Variants in DYNC1H1 observed in about 807,000 individuals in gnomAD.
DYNC1H1 encodes the protein dynein cytoplasmic 1 heavy chain 1.
DYNC1H1 carries 51 observed loss-of-function variants against 527.1 expected under a neutral mutation model. The observed-to-expected ratio is 0.10, with a 90% confidence interval of 0.08 to 0.12. The LOEUF (loss-of-function observed/expected upper bound fraction) is 0.12, where lower values mean the gene tolerates loss of function less well. Among genes scored for constraint, DYNC1H1 ranks in the 10% least tolerant of loss-of-function variants. The probability of loss-of-function intolerance (pLI) is 1.00; values close to 1 mark genes in which losing one functional copy is unlikely to be tolerated. For missense variants in DYNC1H1, 2,771 were observed against 5,971.8 expected (o/e 0.46, Z 17.66); for synonymous variants, 2,189 against 2,278.8 (o/e 0.96, Z 1.12).
chr14:102,042,732 T>C lies in DYNC1H1; in HGVS notation c.12497T>C (p.Val4166Ala). 6.2e-7 allele frequency: 1 copy of C among 1,614,112 alleles called. No homozygotes were observed. Among genetic ancestry groups the C allele is most frequent in the Non-Finnish European group, 8.5e-7 (1 of 1,180,016 alleles). The change falls in exon 69 of 78, where the codon GTC becomes GCC. Residue 4166 changes from valine (V) to alanine (A), a missense_variant. By Grantham distance (64) the Val-to-Ala change is moderately conservative. Around this residue, in one of 32 missense-constraint regions of DYNC1H1, gnomAD observed 195 missense variants for 428.6 expected, o/e 0.45. Transcript: ENST00000360184. The surrounding 1 kb of genome is among the most constrained non-coding windows in gnomAD (Gnocchi z 5.7). The stretch of plus-strand genomic sequence containing the variant: ...CTGAGGACGTTCAGCAGCATTCCCG[T>C]CTCACGGATATGCAAGGTAAGTACC... Reference protein sequence around the residue: ...NMLRTFSSIPVSRICKSPNER... With the variant: ...NMLRTFSSIPASRICKSPNER...
chr14:102,003,282 A>ATTT (rs2048152397), intron 23 of DYNC1H1, among the ~76,000 whole-genome samples: 17 of 126,468 alleles, frequency 1.3e-4, no homozygotes, highest in African/African-American at 5.5e-4. Context: ...TTTTTTTTTG[A>ATTT]GATGGAGTCT....
rs781472089 is a variant in DYNC1H1, at chr14:102,020,101, T to G, written c.8507+45T>G. 6.2e-7 allele frequency: 1 copy of G among 1,609,232 alleles called. No homozygotes were observed. Among genetic ancestry groups the G allele is most frequent in the Non-Finnish European group, 8.5e-7 (1 of 1,177,746 alleles). ...CAGTTGGTCCCATTCTCCCCTGCTC[T>G]GAGTTCTTACAGCTGTCGAAGCTGG... On this transcript the variant is annotated intron_variant, in intron 42 of 77. Transcript: ENST00000360184. This position sits in a 1 kb window ranked among gnomAD's most constrained non-coding sequence, Gnocchi z 4.3.
At position 101,979,830 on chromosome 14, in the gene DYNC1H1, T is replaced by C; in HGVS notation, c.630T>C (p.His210=). 1.2e-6 allele frequency: 2 copies of C among 1,614,178 alleles called. No individual in the cohort carries two copies. The highest frequency in any genetic ancestry group is 2.2e-5 in the South Asian group (2 of 91,076). ...TTCCGGAGATCAGCCTGCCGATTCA[T>C]CCAATGATCACAAATGTTGCAAAAC... is the stretch of plus-strand genomic sequence containing the variant. ...IEIPEISLPI[H]PMITNVAKQC... The change falls in exon 4 of 78, where the codon CAT becomes CAC. Residue 210 remains histidine (H), a synonymous_variant. Transcript: ENST00000360184. This position sits in a 1 kb window ranked among gnomAD's most constrained non-coding sequence, Gnocchi z 4.6.
At position 102,048,126 on chromosome 14, in the gene DYNC1H1, G is replaced by A. The variant is rs768631677; in HGVS notation, c.13218+98G>A. ...CATGGACCATTGGTTCCACTGTGCC[G>A]GACGGAACGTACTCACACCGGTGTC... On this transcript the variant is annotated intron_variant, in intron 73 of 77. Coordinates refer to ENST00000360184, the MANE Select transcript of DYNC1H1 (RefSeq NM_001376.5). 5.8e-4 allele frequency: 833 copies of A among 1,441,284 alleles called. 2 individuals are homozygous for A. Among genetic ancestry groups the A allele is most frequent in the Non-Finnish European group, 7.4e-4 (783 of 1,062,548 alleles). The allele number at this position is 1,441,284 out of a possible 1,614,324, so 89.3% of individuals were successfully genotyped here.
Position 102,005,300 on chromosome 14 carries a change from A to T in DYNC1H1, c.5433+64A>T. The T allele has an allele frequency of 6.3e-7, 1 of 1,598,300 alleles. No homozygotes were observed. The highest frequency in any genetic ancestry group is 8.6e-7 in the Non-Finnish European group (1 of 1,167,264). On this transcript the variant is annotated intron_variant, in intron 26 of 77. Coordinates refer to ENST00000360184, the MANE Select transcript of DYNC1H1 (RefSeq NM_001376.5). The surrounding 1 kb of genome is among the most constrained non-coding windows in gnomAD (Gnocchi z 4.0). ...TCTTACACCCTCAACCACACAGTTA[A>T]ATGGAAATCATGCTTGAAAAAGGTT...
chr14:101,983,306 TAAGAC>T lies in DYNC1H1; in HGVS notation c.1233+19_1233+23del, dbSNP rs777960155. ...ATTTGAAAAAGTAAGTTTGAATATATAAGACAACCAACCTCAAGACATTGAGATGA... is the reference window on the plus strand; with the variant it reads ...ATTTGAAAAAGTAAGTTTGAATATATAACCAACCTCAAGACATTGAGATGA... On this transcript the variant is annotated intron_variant, in intron 6 of 77. Coordinates refer to ENST00000360184, the MANE Select transcript of DYNC1H1 (RefSeq NM_001376.5). The surrounding 1 kb of genome is among the most constrained non-coding windows in gnomAD (Gnocchi z 5.3). 6.2e-7 allele frequency: 1 copy of T among 1,614,112 alleles called. No homozygotes were observed. The highest frequency in any genetic ancestry group is 1.3e-5 in the African/African-American group (1 of 74,942).
Position 101,986,775 on chromosome 14 carries a change from T to C in DYNC1H1, c.2538+12T>C, listed in dbSNP as rs1370884169. 1 of 1,613,906 alleles carries C rather than the reference T, an allele frequency of 6.2e-7. No homozygotes were observed. The highest frequency in any genetic ancestry group is 8.5e-7 in the Non-Finnish European group (1 of 1,179,914). ...ACTTCCAAGAAAAGGTATGCTCTCA[T>C]GTAATCCTCAGGTGTCCTGGTAACG... is the stretch of plus-strand genomic sequence containing the variant. On this transcript the variant is annotated intron_variant, in intron 8 of 77. Coordinates refer to ENST00000360184, the MANE Select transcript of DYNC1H1 (RefSeq NM_001376.5). This position sits in a 1 kb window ranked among gnomAD's most constrained non-coding sequence, Gnocchi z 8.7.
In DYNC1H1 at chr14:102,032,408, C is replaced by T. The variant is rs2048519227; in HGVS notation, c.10020C>T (p.Ser3340=). 7 of 1,614,116 alleles carry T rather than the reference C, an allele frequency of 4.3e-6. No homozygotes were observed. The highest frequency in any genetic ancestry group is 1.1e-5 in the South Asian group (1 of 91,096). Residue 3340 remains serine (S), a synonymous_variant, in exon 52 of 78, where the codon TCC becomes TCT. Transcript: ENST00000360184. ...CCACAGACTGGAAGCAGATCCGCTCCATCATCATGCGGGAGAACTTCATCC... is the reference window on the plus strand; with the variant it reads ...CCACAGACTGGAAGCAGATCCGCTCTATCATCATGCGGGAGAACTTCATCC... The part of the protein sequence containing the change: ...ESTTDWKQIR[S]IIMRENFIPT...
chr14:102,056,414 C>G lies in DYNC1H1; in HGVS notation c.*5851C>G, dbSNP rs960354171. 1.3e-5 allele frequency: 2 copies of G among 152,180 alleles called. No homozygotes were observed. The highest frequency in any genetic ancestry group is 4.8e-5 in the African/African-American group (2 of 41,424). 9.4% of individuals were successfully genotyped at this position (152,180 alleles called of 1,614,324 possible). On this transcript the variant is annotated 3_prime_UTR_variant, in exon 78 of 78. Coordinates refer to ENST00000360184, the MANE Select transcript of DYNC1H1 (RefSeq NM_001376.5). ...TTTAAGATGGTAACTTGCCGATGCT[C>G]CCAGCTGAATAAAGCCCTTCCTTCT...
intron 5 of DYNC1H1, among the ~76,000 whole-genome samples, chr14:101,981,828 T>C (rs990395750): frequency 6.6e-6 from 1 of 152,238 alleles, no homozygotes; most frequent in African/African-American, 2.4e-5. Context: ...TCCAAGCACT[T>C]TCGTGATTCC....
At chr14:101,987,095 G>T (rs1231114769) in intron 8 of DYNC1H1, among the ~76,000 whole-genome samples, 1 of 152,238 alleles carries the variant, frequency 6.6e-6, no homozygotes, top group Non-Finnish European at 1.5e-5. Context: ...CTTACCCAGA[G>T]CCTGCGGCTG....
At position 102,002,768 on chromosome 14, in the gene DYNC1H1, C is replaced by T. The variant is rs1201763159; in HGVS notation, c.4710-24C>T. 3.7e-6 allele frequency: 6 copies of T among 1,614,210 alleles called. No homozygotes were observed. The highest frequency in any genetic ancestry group is 2.2e-5 in the East Asian group (1 of 44,886). On this transcript the variant is annotated intron_variant, in intron 22 of 77. Coordinates refer to ENST00000360184, the MANE Select transcript of DYNC1H1 (RefSeq NM_001376.5). This position sits in a 1 kb window ranked among gnomAD's most constrained non-coding sequence, Gnocchi z 4.4. ...AGTGACTACTCTACACAAAGGCTGA[C>T]GCATGTTTTAATTTCATTTGTAGCA...
chr14:101,986,447 C>G lies in DYNC1H1; in HGVS notation c.2222C>G (p.Pro741Arg). ...NVLKLKVNFL[P>R]EIITLSKEVR... ...CTTAAGCTGAAAGTTAACTTTCTTC[C>G]TGAGATTATCACACTATCCAAAGAA... is the stretch of plus-strand genomic sequence containing the variant. Residue 741 changes from proline to arginine, a missense_variant, in exon 8 of 78, where the codon CCT (proline) becomes CGT (arginine). Around this residue, in one of 32 missense-constraint regions of DYNC1H1, gnomAD observed 264 missense variants for 619.4 expected, o/e 0.43. Coordinates refer to ENST00000360184, the MANE Select transcript of DYNC1H1 (RefSeq NM_001376.5). This position sits in a 1 kb window ranked among gnomAD's most constrained non-coding sequence, Gnocchi z 8.7. The G allele has an allele frequency of 6.2e-7, 1 of 1,614,106 alleles. No individual in the cohort carries two copies.
chr14:101,971,953 A>C (rs949458922), intron 1 of DYNC1H1, among the ~76,000 whole-genome samples: 5 of 152,222 alleles, frequency 3.3e-5, no homozygotes, highest in African/African-American at 1.2e-4. Flanking sequence ...GAAGGAACTC[A>C]TGAAGCAGGC....
In DYNC1H1 at chr14:102,050,673, G is replaced by A. The variant is rs1291676660; in HGVS notation, c.*110G>A. Reference sequence around the variant, plus strand: ...TGTGAAAAGAAAGTGGTTGGTCTGAGGTTGGAGGAAGCTGAATGGAATCTG... The same window carrying A: ...TGTGAAAAGAAAGTGGTTGGTCTGAAGTTGGAGGAAGCTGAATGGAATCTG... On this transcript the variant is annotated 3_prime_UTR_variant, in exon 78 of 78. Transcript: ENST00000360184. The A allele has an allele frequency of 1.9e-6, 3 of 1,557,656 alleles. No individual in the cohort carries two copies. Among genetic ancestry groups the A allele is most frequent in the African/African-American group, 1.4e-5 (1 of 73,580 alleles).
At position 101,983,007 on chromosome 14, in the gene DYNC1H1, C is replaced by A. The variant is rs2047886523; in HGVS notation, c.962-12C>A. 1.9e-6 allele frequency: 3 copies of A among 1,613,690 alleles called. No homozygotes were observed. Among genetic ancestry groups the A allele is most frequent in the East Asian group, 4.5e-5 (2 of 44,876 alleles). ...TATGTGAAAACCATTAACTCTTTCT[C>A]TGTTAATATAGGTCTAAAACAGGCT... is the stretch of plus-strand genomic sequence containing the variant. On this transcript the variant is annotated splice_polypyrimidine_tract_variant and intron_variant, in intron 5 of 77. Transcript: ENST00000360184. This position sits in a 1 kb window ranked among gnomAD's most constrained non-coding sequence, Gnocchi z 5.3.
At position 102,005,292 on chromosome 14, in the gene DYNC1H1, C is replaced by T. The variant is rs974282443; in HGVS notation, c.5433+56C>T. 3.3e-5 allele frequency: 53 copies of T among 1,602,268 alleles called. No homozygotes were observed. The East Asian group carries it at 1.2e-3, about 36-fold the overall frequency. On this transcript the variant is annotated intron_variant, in intron 26 of 77. Coordinates refer to ENST00000360184, the MANE Select transcript of DYNC1H1 (RefSeq NM_001376.5). This position sits in a 1 kb window ranked among gnomAD's most constrained non-coding sequence, Gnocchi z 4.0. Reference sequence around the variant, plus strand: ...AGTTAGACTCTTACACCCTCAACCACACAGTTAAATGGAAATCATGCTTGA... The same window carrying T: ...AGTTAGACTCTTACACCCTCAACCATACAGTTAAATGGAAATCATGCTTGA...
At chr14:101,978,530 A>G (rs1250015959) in intron 2 of DYNC1H1, among the ~76,000 whole-genome samples, 1 of 152,202 alleles carries the variant, frequency 6.6e-6, no homozygotes, top group African/African-American at 2.4e-5. Flanking sequence ...AATTTTATTA[A>G]TTACCTTGAA....
Position 102,012,133 on chromosome 14 carries a change from T to C in DYNC1H1, c.6857+20T>C. Reference sequence around the variant, plus strand: ...GAGAAAGTACGTCTTCTTTGATCTGTGTTTGTGTTCTCCTGGATATGGGCG... The same window carrying C: ...GAGAAAGTACGTCTTCTTTGATCTGCGTTTGTGTTCTCCTGGATATGGGCG... On this transcript the variant is annotated intron_variant, in intron 33 of 77. Transcript: ENST00000360184. This position sits in a 1 kb window ranked among gnomAD's most constrained non-coding sequence, Gnocchi z 4.9. 6.2e-7 allele frequency: 1 copy of C among 1,613,914 alleles called. No homozygotes were observed. Among genetic ancestry groups the C allele is most frequent in the African/African-American group, 1.3e-5 (1 of 75,030 alleles).
Sources: allele counts gnomAD v4.1 joint callset (sites outside exome capture counted in the v4.1 genomes callset), GRCh38; gene constraint gnomAD v4.1.1; regional missense constraint gnomAD v4.1.1; non-coding constraint Gnocchi (gnomAD v3.1); transcripts MANE v1.5; gene names NCBI Gene and HGNC (gene_info 2026-07-23, HGNC 2026-07-21).